The following BLOC1S2 variants were observed in gnomAD, a reference collection of about 807,000 sequenced individuals.
BLOC1S2 encodes the protein biogenesis of lysosome-related organelles complex 1 subunit 2.
Under a neutral mutation model 19.6 loss-of-function variants are expected in BLOC1S2, and 12 were observed. That is an observed-to-expected ratio of 0.61 (90% confidence interval 0.39 to 0.99). BLOC1S2 has a LOEUF of 0.99. BLOC1S2 is among the 50% of genes least tolerant of loss of function. The pLI, the probability that BLOC1S2 is intolerant of heterozygous loss-of-function variation, is 0.00. For synonymous variants in BLOC1S2, 66 were observed against 64.1 expected (o/e 1.03, Z -0.14); for missense variants, 142 against 171.0 (o/e 0.83, Z 0.95).
At position 100,277,603 on chromosome 10, in the gene BLOC1S2, T is replaced by TGG. The variant is rs1160561525; in HGVS notation, c.398-2112_398-2111dup. Among the ~76,000 whole-genome samples, 148 of 85,726 alleles carry TGG rather than the reference T, an allele frequency of 1.7e-3. 4 individuals are homozygous for TGG. Among genetic ancestry groups the TGG allele is most frequent in the African/African-American group, 6.9e-3 (141 of 20,464 alleles). 56.2% of individuals were successfully genotyped at this position (85,726 alleles called of 152,430 possible). A position where few individuals can be genotyped will look rare whatever the true frequency, so the allele number is the denominator to read the frequency against. ...CCAGCCGCTCCGTCCGGGAGGGAGGTGGGAGGGGGTCAGCCCCCCTGCCCA... is the reference window on the plus strand; with the variant it reads ...CCAGCCGCTCCGTCCGGGAGGGAGGTGGGGGAGGGGGTCAGCCCCCCTGCCCA... On this transcript the variant is annotated intron_variant, in intron 4 of 4. Coordinates refer to ENST00000370372, the MANE Select transcript of BLOC1S2 (RefSeq NM_173809.5).
At chr10:100,277,150 C>T (rs1270937535) in intron 4 of BLOC1S2, among the ~76,000 whole-genome samples, 2 of 151,668 alleles carry the variant, frequency 1.3e-5, no homozygotes, top group Non-Finnish European at 2.9e-5. Flanking sequence ...CGCCTGTGCC[C>T]CGCCGCCCCA....
chr10:100,286,601 G>A lies in BLOC1S2; in HGVS notation c.55+4C>T, dbSNP rs1263318154. ...GACGCTTCCTCCCCATCCATTCCGG[G>A]TACCTCGGGCGGGCTCATCACTCCG... is the stretch of plus-strand genomic sequence containing the variant. On this transcript the variant is annotated splice_donor_region_variant and intron_variant, in intron 1 of 4. Coordinates refer to ENST00000370372, the MANE Select transcript of BLOC1S2 (RefSeq NM_173809.5). The A allele has an allele frequency of 6.2e-7, 1 of 1,612,852 alleles. No homozygotes were observed. The highest frequency in any genetic ancestry group is 8.5e-7 in the Non-Finnish European group (1 of 1,179,304).
rs1234991353 is a variant in BLOC1S2, at chr10:100,275,335, T to C, written c.*127A>G. 2 of 959,408 alleles carry C rather than the reference T, an allele frequency of 2.1e-6. No individual in the cohort carries two copies. The highest frequency in any genetic ancestry group is 2.4e-5 in the East Asian group (1 of 41,468). 59.4% of individuals were successfully genotyped at this position (959,408 alleles called of 1,614,324 possible). ...TCCAGTTTACTCGAACGTTGAGATGTTCCTGTGATGACCAGCATAATTTCC... is the reference window on the plus strand; with the variant it reads ...TCCAGTTTACTCGAACGTTGAGATGCTCCTGTGATGACCAGCATAATTTCC... On this transcript the variant is annotated 3_prime_UTR_variant, in exon 5 of 5. Transcript: ENST00000370372.
intron 4 of BLOC1S2, among the ~76,000 whole-genome samples, chr10:100,277,755 G>C (rs1847955185): frequency 7.6e-6 from 1 of 132,306 alleles, no homozygotes; most frequent in Non-Finnish European, 1.7e-5. Context: ...GGAGGTGAGG[G>C]GCGCCTCTGC....
intron 2 of BLOC1S2, chr10:100,282,899 C>G (rs1461431408): frequency 7.5e-6 from 3 of 398,524 alleles, no homozygotes; most frequent in African/African-American, 2.1e-5. Context: ...AGCCTAGGCT[C>G]TCTTACCTAC....
At chr10:100,283,482 T>A (rs1337488701) in intron 2 of BLOC1S2, among the ~76,000 whole-genome samples, 2 of 152,128 alleles carry the variant, frequency 1.3e-5, no homozygotes, top group Non-Finnish European at 2.9e-5. Context: ...GGTCCTCTAT[T>A]ACTTTTCATC....
chr10:100,283,884 TA>T (rs1230500156), intron 2 of BLOC1S2, among the ~76,000 whole-genome samples: 1 of 151,882 alleles, frequency 6.6e-6, no homozygotes, highest in Non-Finnish European at 1.5e-5. Flanking sequence ...CTAAATAAAA[TA>T]AAATAAAACA....
At position 100,286,217 on chromosome 10, in the gene BLOC1S2, G is replaced by A. The variant is rs1239002788; in HGVS notation, c.56-4C>T. On this transcript the variant is annotated splice_polypyrimidine_tract_variant and splice_region_variant and intron_variant, in intron 1 of 4. Coordinates refer to ENST00000370372, the MANE Select transcript of BLOC1S2 (RefSeq NM_173809.5). ...GCTGTCTCCACGGCGGCATCGTCTG[G>A]GCCAAGGGAGAATGACTAAGTGTCC... The A allele has an allele frequency of 6.2e-7, 1 of 1,613,500 alleles. No individual in the cohort carries two copies. The highest frequency in any genetic ancestry group is 8.5e-7 in the Non-Finnish European group (1 of 1,179,714).
intron 4 of BLOC1S2, among the ~76,000 whole-genome samples, chr10:100,276,983 G>A (rs376177079): frequency 1.3e-5 from 2 of 151,592 alleles, no homozygotes; most frequent in African/African-American, 4.8e-5. Context: ...GATGTGAGGA[G>A]CCCCTCTGCC....
chr10:100,278,285 G>A (rs1346667378), intron 4 of BLOC1S2, among the ~76,000 whole-genome samples: 2 of 151,994 alleles, frequency 1.3e-5, no homozygotes, highest in Non-Finnish European at 2.9e-5. Flanking sequence ...GCCCCTACTG[G>A]GAAGTGAGGA....
intron 4 of BLOC1S2, among the ~76,000 whole-genome samples, chr10:100,277,705 T>G (rs1422449920): frequency 5.2e-5 from 5 of 96,714 alleles, no homozygotes; most frequent in African/African-American, 1.3e-4. Flanking sequence ...GGGAGGGAGG[T>G]GGGGGGCTCA....
intron 3 of BLOC1S2, 106 bp from the exon 4 acceptor site, chr10:100,280,334 A>T: frequency 1.0e-6 from 1 of 986,550 alleles, no homozygotes; most frequent in Non-Finnish European, 1.5e-6. Context: ...CTATGCTAAG[A>T]CAGATTAGGT....
At chr10:100,276,851 A>G (rs1006846965) in intron 4 of BLOC1S2, among the ~76,000 whole-genome samples, 1 of 151,990 alleles carries the variant, frequency 6.6e-6, no homozygotes, top group Non-Finnish European at 1.5e-5. Flanking sequence ...TCGGCTCGCT[A>G]TGGCCTCCAC....
intron 3 of BLOC1S2, 95 bp from the exon 4 acceptor site, chr10:100,280,323 G>A: frequency 9.0e-7 from 1 of 1,115,054 alleles, no homozygotes; most frequent in East Asian, 2.5e-5. Context: ...TGTCTCTCCA[G>A]CTATGCTAAG....
chr10:100,281,691 A>T lies in BLOC1S2; in HGVS notation c.173-638T>A, dbSNP rs1489297578. On this transcript the variant is annotated intron_variant, in intron 2 of 4. Transcript: ENST00000370372. ...GAGTGAGACTCCATCTCAAAAAAAA[A>T]AAATATATATATATACACATACACA... is the stretch of plus-strand genomic sequence containing the variant. 1.7e-3 allele frequency among the ~76,000 whole-genome samples: 141 copies of T among 83,050 alleles called. 1 individual carries two copies. Among genetic ancestry groups the T allele is most frequent in the South Asian group, 7.4e-3 (27 of 3,632 alleles). 54.5% of individuals were successfully genotyped at this position (83,050 alleles called of 152,430 possible).
chr10:100,285,937 G>A (rs1848222740), intron 2 of BLOC1S2, among the ~76,000 whole-genome samples, 160 bp downstream of exon 2: 1 of 152,170 alleles, frequency 6.6e-6, no homozygotes, highest in Non-Finnish European at 1.5e-5. Flanking sequence ...GGCCTGCAGA[G>A]TTGTATTTTC....
chr10:100,277,667 CCCCCCCGCCCGGCCAGCCGCCCCG>C, intron 4 of BLOC1S2, among the ~76,000 whole-genome samples: 1 of 122,700 alleles, frequency 8.1e-6, no homozygotes, highest in African/African-American at 3.3e-5. Context: ...GGGGGCTCAG[CCCCCCCGCCCGGCCAGCCGCCCCG>C]TCCGGGAGGG....
intron 2 of BLOC1S2, among the ~76,000 whole-genome samples, chr10:100,283,707 C>CTAAAAA (rs781510401): frequency 6.6e-6 from 1 of 151,826 alleles, no homozygotes; most frequent in Non-Finnish European, 1.5e-5. Flanking sequence ...CTCATCTCTA[C>CTAAAAA]TAAAAATAAA....
rs535926203 is a variant in BLOC1S2 at position 100,278,976 on chromosome 10, A to T, written c.397+1148T>A. Among the ~76,000 whole-genome samples the T allele has an allele frequency of 2.6e-5, 4 of 152,196 alleles. No individual in the cohort carries two copies. In the East Asian group the frequency reaches 7.7e-4, roughly 29 times the overall value. ...ATGGTGCACACCTGTAGTCCCAGGT[A>T]CTCAGGAGGCTGAGGAAGGAGGATC... On this transcript the variant is annotated intron_variant, in intron 4 of 4. Coordinates refer to ENST00000370372, the MANE Select transcript of BLOC1S2 (RefSeq NM_173809.5).
Sources: gnomAD v4.1 joint callset for allele counts (sites outside exome capture counted in the v4.1 genomes callset) on GRCh38, gnomAD v4.1.1 for gene constraint, MANE v1.5 for transcripts, NCBI Gene and HGNC (gene_info 2026-07-23, HGNC 2026-07-21) for gene names.